Variants in ADGRL2 observed in about 807,000 individuals in gnomAD.
ADGRL2 encodes the protein calcium-independent alpha-latrotoxin receptor 2.
Under a neutral mutation model 157.4 loss-of-function variants are expected in ADGRL2, and 44 were observed. That is an observed-to-expected ratio of 0.28 (90% CI 0.22 to 0.36). The LOEUF is 0.36. ADGRL2 is among the 10% of genes least tolerant of loss of function. The probability of loss-of-function intolerance (pLI) is 1.00; values close to 1 mark genes in which losing one functional copy is unlikely to be tolerated. For missense variants in ADGRL2, 1,510 were observed against 1,768.9 expected (o/e 0.85, Z 2.63); for synonymous variants, 585 against 624.7 (o/e 0.94, Z 0.95).
chr1:81,814,536 T>A (rs2090190950), intron 1 of ADGRL2, among the ~76,000 whole-genome samples: 1 of 151,294 alleles, frequency 6.6e-6, no homozygotes, highest in Non-Finnish European at 1.5e-5. Flanking sequence ...GTATGAAGAG[T>A]CTAGAATGCA....
rs2100579352 is a variant in ADGRL2 at position 81,315,477 on chromosome 1, A to G, written c.-302+8968A>G. Among the ~76,000 whole-genome samples, 3 of 152,284 alleles carry G rather than the reference A, an allele frequency of 2.0e-5. No homozygotes were observed. The South Asian group carries it at 6.2e-4, about 32-fold the overall frequency. Reference sequence around the variant, plus strand: ...TTGGTTTAGAAATGACATAATGACAATTTTATCTCCAAAATAAAATAGTAA... The same window carrying G: ...TTGGTTTAGAAATGACATAATGACAGTTTTATCTCCAAAATAAAATAGTAA... On this transcript the variant is annotated intron_variant, in intron 1 of 24. Coordinates refer to the ADGRL2 transcript ENST00000370721.
chr1:81,527,894 C>G (rs1285371918), intron 2 of ADGRL2, among the ~76,000 whole-genome samples: 1 of 151,774 alleles, frequency 6.6e-6, no homozygotes. Flanking sequence ...GGTGAAACCC[C>G]GTCTCTACTA....
intron 2 of ADGRL2, among the ~76,000 whole-genome samples, chr1:81,903,068 GA>G (rs2094517844): frequency 6.6e-6 from 1 of 152,186 alleles, no homozygotes. Flanking sequence ...ACAGATTGAG[GA>G]AATTTTATAA....
At chr1:81,618,203 A>G (rs1293605523) in intron 3 of ADGRL2, among the ~76,000 whole-genome samples, 1 of 152,220 alleles carries the variant, frequency 6.6e-6, no homozygotes, top group Non-Finnish European at 1.5e-5. Context: ...GGCACTTGAC[A>G]TAGACATTTA....
At chr1:81,756,501 G>C (rs561468404) in intron 1 of ADGRL2, among the ~76,000 whole-genome samples, 139 of 152,250 alleles carry the variant, frequency 9.1e-4, no homozygotes, top group African/African-American at 3.2e-3. Flanking sequence ...ATAGACAAGA[G>C]GTATAAGTGG....
intron 1 of ADGRL2, among the ~76,000 whole-genome samples, chr1:81,738,099 AT>A (rs887236668): frequency 1.3e-5 from 2 of 152,198 alleles, no homozygotes; most frequent in Non-Finnish European, 2.9e-5. Context: ...CACTCTATGT[AT>A]CCTGCATTAC....
At chr1:81,437,910 C>G (rs2077438079) in intron 1 of ADGRL2, among the ~76,000 whole-genome samples, 2 of 152,112 alleles carry the variant, frequency 1.3e-5, no homozygotes, top group African/African-American at 2.4e-5. Flanking sequence ...GCAGTCGTGA[C>G]TGTCTGAAAG....
chr1:81,581,686 T>C (rs2080912995), intron 3 of ADGRL2, among the ~76,000 whole-genome samples: 1 of 152,160 alleles, frequency 6.6e-6, no homozygotes, highest in South Asian at 2.1e-4. Flanking sequence ...TATTACATGA[T>C]ATATATTTCA....
intron 3 of ADGRL2, among the ~76,000 whole-genome samples, chr1:81,934,562 G>T (rs565568418): frequency 6.6e-6 from 1 of 151,810 alleles, no homozygotes; most frequent in African/African-American, 2.4e-5. Flanking sequence ...TCATGTTCAT[G>T]TTCTTGGTCC....
At chr1:81,486,731 T>C (rs571678929) in intron 2 of ADGRL2, among the ~76,000 whole-genome samples, 35 of 152,216 alleles carry the variant, frequency 2.3e-4, no homozygotes, top group Non-Finnish European at 4.3e-4. Context: ...CATGAAAATG[T>C]ATTTCTCATG....
intron 1 of ADGRL2, among the ~76,000 whole-genome samples, chr1:81,314,419 A>G (rs2100572396): frequency 6.6e-6 from 1 of 152,306 alleles, no homozygotes; most frequent in African/African-American, 2.4e-5. Context: ...AGAGTGGATT[A>G]TAGGATTAGG....
intron 3 of ADGRL2, among the ~76,000 whole-genome samples, chr1:81,637,177 C>T (rs2082131405): frequency 6.6e-6 from 1 of 152,104 alleles, no homozygotes; most frequent in South Asian, 2.1e-4. Flanking sequence ...ACTGCACTGA[C>T]CCAAAAGGAA....
At chr1:81,685,520 C>T (rs1032675121) in intron 3 of ADGRL2, among the ~76,000 whole-genome samples, 2 of 152,044 alleles carry the variant, frequency 1.3e-5, no homozygotes, top group African/African-American at 2.4e-5. Context: ...TTAATCAGTT[C>T]TAGGAGCTTT....
chr1:81,437,544 T>G (rs1252461057), intron 1 of ADGRL2, among the ~76,000 whole-genome samples: 1 of 152,250 alleles, frequency 6.6e-6, no homozygotes, highest in Non-Finnish European at 1.5e-5. Flanking sequence ...CAGTCATTCA[T>G]CCTGTTGGAT....
At chr1:81,426,003 A>G (rs2077207486) in intron 1 of ADGRL2, among the ~76,000 whole-genome samples, 1 of 152,114 alleles carries the variant, frequency 6.6e-6, no homozygotes, top group African/African-American at 2.4e-5. Context: ...AGTAGCTGGG[A>G]CTACAGGCAT....
chr1:81,845,476 G>C (rs1383803250), intron 2 of ADGRL2, among the ~76,000 whole-genome samples: 1 of 151,838 alleles, frequency 6.6e-6, no homozygotes, highest in Non-Finnish European at 1.5e-5. Context: ...CACTTTACCA[G>C]CAATGATCTG....
intron 1 of ADGRL2, among the ~76,000 whole-genome samples, chr1:81,369,811 G>A (rs531084681): frequency 1.2e-4 from 18 of 152,156 alleles, no homozygotes; most frequent in Non-Finnish European, 2.4e-4. Context: ...ACTTGTAATC[G>A]TACAGGAAGC....
At chr1:81,837,743 A>G (rs987635259) in intron 2 of ADGRL2, among the ~76,000 whole-genome samples, 2 of 152,020 alleles carry the variant, frequency 1.3e-5, no homozygotes, top group Non-Finnish European at 2.9e-5. Flanking sequence ...AATTGGAACC[A>G]TCATTTATTA....
intron 1 of ADGRL2, among the ~76,000 whole-genome samples, chr1:81,387,267 A>G (rs2101089998): frequency 6.6e-6 from 1 of 152,304 alleles, no homozygotes; most frequent in South Asian, 2.1e-4. Context: ...CAAACCTTGC[A>G]GGATATTTCA....
Sources: gnomAD v4.1 joint callset for allele counts (sites outside exome capture counted in the v4.1 genomes callset) on GRCh38, gnomAD v4.1.1 for gene constraint, MANE v1.5 for transcripts, NCBI Gene and HGNC (gene_info 2026-07-23, HGNC 2026-07-21) for gene names.